The following ZNF516 variants were observed in gnomAD, a reference collection of about 807,000 sequenced individuals.
ZNF516 encodes the protein zinc finger protein 516.
Under a neutral mutation model 79.7 loss-of-function variants are expected in ZNF516, and 19 were observed. That is an observed-to-expected ratio of 0.24 (90% CI 0.17 to 0.35). The LOEUF (loss-of-function observed/expected upper bound fraction) is 0.35, where lower values mean the gene tolerates loss of function less well. ZNF516 is among the 10% of genes least tolerant of loss of function. The pLI, the probability that ZNF516 is intolerant of heterozygous loss-of-function variation, is 1.00. For missense variants in ZNF516, 1,678 were observed against 1,679.5 expected, an observed-to-expected ratio of 1.00 and a Z score of 0.02; for synonymous variants, 877 against 739.5, an observed-to-expected ratio of 1.19 and a Z score of -3.02.
intron 3 of ZNF516, chr18:76,387,243 A>C (rs955192424): frequency 6.6e-6 from 1 of 152,292 alleles, no homozygotes; most frequent in Admixed American, 6.5e-5. Context: ...AACAGGAAGA[A>C]TCTTTGAAGA....
At chr18:76,392,291 T>C (rs1051609868) in intron 3 of ZNF516, among the ~76,000 whole-genome samples, 18 of 151,894 alleles carry the variant, frequency 1.2e-4, no homozygotes, top group African/African-American at 4.1e-4. Context: ...CCACAGGGAG[T>C]GTCACTAATA....
intron 4 of ZNF516, among the ~76,000 whole-genome samples, chr18:76,375,318 G>A (rs895648697): frequency 2.8e-4 from 43 of 152,148 alleles, no homozygotes; most frequent in Non-Finnish European, 7.4e-5. Context: ...AGAGTGGACA[G>A]GGAAGGCCCC....
At chr18:76,473,375 A>AC (rs1233887805) in intron 1 of ZNF516, among the ~76,000 whole-genome samples, 15 of 132,064 alleles carry the variant, frequency 1.1e-4, no homozygotes, top group Middle Eastern at 4.1e-3. Context: ...AAAAAAAAAA[A>AC]AAAACACCTA....
intron 3 of ZNF516, among the ~76,000 whole-genome samples, chr18:76,380,573 G>GT (rs1444174669): frequency 5.3e-5 from 8 of 152,170 alleles, no homozygotes; most frequent in Non-Finnish European, 1.2e-4. Context: ...CTAGTTACAT[G>GT]TAACGACGCT....
intron 2 of ZNF516, among the ~76,000 whole-genome samples, chr18:76,460,910 C>T (rs1294503101): frequency 1.3e-5 from 2 of 152,182 alleles, no homozygotes; most frequent in African/African-American, 4.8e-5. Flanking sequence ...CTGCCCGCCA[C>T]GGTGGCTCAC....
chr18:76,379,027 C>A lies in ZNF516; in HGVS notation c.3087G>T (p.Gln1029His). The change falls in exon 4 of 7, where the codon CAG becomes CAT. Residue 1029 changes from glutamine (Q) to histidine (H), a missense_variant. Coordinates refer to ENST00000443185, the MANE Select transcript of ZNF516 (RefSeq NM_014643.4). ...CGGGGGGCGCCCCAGCCACGCCGGG[C>A]TGGGCCTGCAAGGCCGCGTCGCCCC... ...GSRGDAALQA[Q>H]PGVAGAPPVL... The A allele has an allele frequency of 1.9e-6, 3 of 1,607,460 alleles. No individual in the cohort carries two copies. Among genetic ancestry groups the A allele is most frequent in the Non-Finnish European group, 2.5e-6 (3 of 1,177,606 alleles).
chr18:76,464,553 T>A (rs778547953), intron 1 of ZNF516, among the ~76,000 whole-genome samples: 9 of 152,176 alleles, frequency 5.9e-5, no homozygotes, highest in Non-Finnish European at 1.3e-4. Context: ...GGACAGTGGC[T>A]CCTGGACTTG....
Position 76,442,519 on chromosome 18 carries a change from C to A in ZNF516, c.536G>T (p.Cys179Phe), listed in dbSNP as rs1192667899. Residue 179 changes from cysteine (C) to phenylalanine (F), a missense_variant, in exon 3 of 7, where the codon TGC becomes TTC. Cys to Phe is a radical substitution (Grantham distance 205). Around this residue, in one of 5 missense-constraint regions of ZNF516, gnomAD observed 279 missense variants for 254.1 expected, o/e 1.10. Transcript: ENST00000443185. ...CTTCTTACGCTCGAACTGGCTCTTG[C>A]AGAAGGAGCACTGGACCGCTGCCTT... ...EAKAAVQCSFCKSQFERKKDL... is the reference protein window; with the variant it reads ...EAKAAVQCSFFKSQFERKKDL... 8 of 1,600,856 alleles carry A rather than the reference C, an allele frequency of 5.0e-6. No homozygotes were observed. The highest frequency in any genetic ancestry group is 6.8e-6 in the Non-Finnish European group (8 of 1,179,552).
rs1209942177 is a variant in ZNF516 at position 76,357,832 on chromosome 18, C to T, written c.*4666G>A. Among the ~76,000 whole-genome samples, 2 of 152,144 alleles carry T rather than the reference C, an allele frequency of 1.3e-5. No individual in the cohort carries two copies. The highest frequency in any genetic ancestry group is 6.5e-5 in the Admixed American group (1 of 15,272). ...TCCAGGTGTGGCTGAGTCAGAATTC[C>T]GTCCGCGTCCATCCCTGTGCGTCCT... is the stretch of plus-strand genomic sequence containing the variant. On this transcript the variant is annotated 3_prime_UTR_variant, in exon 7 of 7. Coordinates refer to ENST00000443185, the MANE Select transcript of ZNF516 (RefSeq NM_014643.4).
chr18:76,363,292 G>C (rs1427144871), intron 6 of ZNF516, among the ~76,000 whole-genome samples: 1 of 152,192 alleles, frequency 6.6e-6, no homozygotes, highest in Admixed American at 6.5e-5. Flanking sequence ...TCTTGATGAA[G>C]TGAAACTGAC....
intron 1 of ZNF516, among the ~76,000 whole-genome samples, chr18:76,484,177 A>G (rs764777209): frequency 8.5e-5 from 13 of 152,158 alleles, no homozygotes; most frequent in Admixed American, 7.9e-4. Flanking sequence ...TATGGAGAAA[A>G]AGGCTAAGCT....
intron 3 of ZNF516, among the ~76,000 whole-genome samples, chr18:76,411,870 A>G (rs1740121169): frequency 1.3e-5 from 2 of 152,208 alleles, no homozygotes; most frequent in African/African-American, 4.8e-5. Context: ...AGTTTTTAAA[A>G]TATTTAAAAT....
chr18:76,474,913 T>G (rs1049198016), intron 1 of ZNF516, among the ~76,000 whole-genome samples: 3 of 152,206 alleles, frequency 2.0e-5, no homozygotes, highest in Admixed American at 2.0e-4. Flanking sequence ...AAAATCTAAC[T>G]GTCCAAAATT....
At chr18:76,486,727 T>TA (rs1914856039) in intron 1 of ZNF516, among the ~76,000 whole-genome samples, 2 of 151,150 alleles carry the variant, frequency 1.3e-5, no homozygotes, top group African/African-American at 4.9e-5. Context: ...GCCTTGAAGA[T>TA]AACAAAACAC....
intron 3 of ZNF516, among the ~76,000 whole-genome samples, chr18:76,439,805 T>A (rs2075790786): frequency 6.6e-6 from 1 of 151,978 alleles, no homozygotes; most frequent in Non-Finnish European, 1.5e-5. Context: ...GTCCAGCATG[T>A]GCTCCAAAAA....
chr18:76,458,764 G>C (rs1457567068), intron 2 of ZNF516, among the ~76,000 whole-genome samples: 1 of 139,820 alleles, frequency 7.2e-6, no homozygotes, highest in East Asian at 2.0e-4. Context: ...TCGTGCGTGT[G>C]TGTGCCTCGT....
intron 3 of ZNF516, among the ~76,000 whole-genome samples, chr18:76,409,826 G>T (rs1486227739): frequency 1.3e-5 from 2 of 152,136 alleles, no homozygotes; most frequent in African/African-American, 4.8e-5. Context: ...CATTAGAGGT[G>T]GTATGGTTTG....
intron 1 of ZNF516, among the ~76,000 whole-genome samples, chr18:76,474,346 AG>A (rs1914056194): frequency 6.6e-6 from 1 of 152,232 alleles, no homozygotes; most frequent in Non-Finnish European, 1.5e-5. Flanking sequence ...AGGCTCTAAA[AG>A]TTCCATAAAT....
At chr18:76,490,603 T>A (rs1220617040) in intron 1 of ZNF516, 19 of 247,190 alleles carry the variant, frequency 7.7e-5, no homozygotes, top group Non-Finnish European at 1.2e-4. Context: ...CACCGTTGCA[T>A]CTACTCGGGT....
Sources: gnomAD v4.1 joint callset for allele counts (sites outside exome capture counted in the v4.1 genomes callset) on GRCh38, gnomAD v4.1.1 for gene constraint, gnomAD v4.1.1 regional missense constraint, MANE v1.5 for transcripts, NCBI Gene and HGNC (gene_info 2026-07-23, HGNC 2026-07-21) for gene names.